Variants in CPT1C observed in about 807,000 individuals in gnomAD.
CPT1C encodes the protein carnitine palmitoyltransferase 1C, also known as palmitoyl thioesterase CPT1C.
In CPT1C, 61 loss-of-function variants were observed where a neutral mutation model predicts 97.3. That is an observed-to-expected ratio of 0.63 (90% confidence interval 0.51 to 0.78). CPT1C has a LOEUF of 0.78. CPT1C is among the 30% of genes least tolerant of loss of function. The probability of loss-of-function intolerance (pLI) is 0.00; values close to 1 mark genes in which losing one functional copy is unlikely to be tolerated. For synonymous variants in CPT1C, 469 were observed against 447.2 expected, an observed-to-expected ratio of 1.05 and a Z score of -0.61; for missense variants, 975 against 1,065.5, an observed-to-expected ratio of 0.92 and a Z score of 1.18.
Position 49,702,134 on chromosome 19 carries a change from A to G in CPT1C, c.693+500A>G, listed in dbSNP as rs1189037891. Among the ~76,000 whole-genome samples the G allele has an allele frequency of 1.1e-4, 6 of 53,722 alleles. 3 individuals carry two copies. The highest frequency in any genetic ancestry group is 3.2e-4 in the African/African-American group (6 of 18,720). 35.2% of individuals were successfully genotyped at this position (53,722 alleles called of 152,430 possible). ...TATATTTATTTATTTATAAATTATA[A>G]ATAAATATATATTTATTTATAAATT... is the stretch of plus-strand genomic sequence containing the variant. On this transcript the variant is annotated intron_variant, in intron 7 of 19. Transcript: ENST00000598293.
At chr19:49,708,020 A>G (rs1388333800) in intron 13 of CPT1C, among the ~76,000 whole-genome samples, 3 of 149,234 alleles carry the variant, frequency 2.0e-5, no homozygotes, top group South Asian at 2.1e-4. Flanking sequence ...AAAAAAAAAA[A>G]AAAAAAAGAA....
intron 4 of CPT1C, 42 bp from the exon 5 acceptor site, chr19:49,700,642 G>A: frequency 6.3e-7 from 1 of 1,594,236 alleles, no homozygotes; most frequent in Non-Finnish European, 8.5e-7. Context: ...GAGGTTCTGA[G>A]GCCAGGAGAC....
At chr19:49,710,572 G>T in intron 15 of CPT1C, 88 bp downstream of exon 15, 1 of 1,575,138 alleles carries the variant, frequency 6.3e-7, no homozygotes, top group Non-Finnish European at 8.7e-7. Flanking sequence ...CCTTGTGGTC[G>T]CTGCCATTGT....
chr19:49,709,740 G>T (rs1179866363), intron 14 of CPT1C, among the ~76,000 whole-genome samples: 1 of 151,978 alleles, frequency 6.6e-6, no homozygotes, highest in African/African-American at 2.4e-5. Flanking sequence ...ATTTTTAATA[G>T]AGATGAGGTT....
At chr19:49,690,806 T>G (rs2082318694), upstream of CPT1C, 1 of 289,962 alleles carries the variant, frequency 3.4e-6, no homozygotes, top group African/African-American at 2.2e-5. This position sits in a 1 kb window ranked among gnomAD's most constrained non-coding sequence, Gnocchi z 4.4. Context: ...GTGAAAGGGC[T>G]GAGATTTGCT....
At chr19:49,695,859 G>A (rs2082642131) in intron 3 of CPT1C, among the ~76,000 whole-genome samples, 3 of 151,188 alleles carry the variant, frequency 2.0e-5, no homozygotes, top group Admixed American at 6.6e-5. Flanking sequence ...GGGATTACAC[G>A]CATAAGCCAT....
chr19:49,705,555 T>TC (rs1257778733), intron 10 of CPT1C, among the ~76,000 whole-genome samples: 1 of 152,044 alleles, frequency 6.6e-6, no homozygotes, highest in Non-Finnish European at 1.5e-5. Flanking sequence ...GGCCAGGAGT[T>TC]CGAGACCAGC....
At chr19:49,709,001 C>G in intron 14 of CPT1C, among the ~76,000 whole-genome samples, 162 bp downstream of exon 14, 1 of 151,178 alleles carries the variant, frequency 6.6e-6, no homozygotes, top group African/African-American at 2.4e-5. Context: ...TATGCATCCA[C>G]AACCTCAAAC....
At position 49,706,313 on chromosome 19, in the gene CPT1C, G is replaced by C. The variant is rs1328532741; in HGVS notation, c.1243G>C (p.Val415Leu). The stretch of plus-strand genomic sequence containing the variant: ...GGCGGTGGAAGGGGCCGCTTTCTTT[G>C]TGTCACTGGATGCTGAGCCCGCGGG... ...LEAVEGAAFF[V>L]SLDAEPAGLT... The change falls in exon 12 of 20, where the codon GTG becomes CTG. Residue 415 changes from valine to leucine, a missense_variant. Coordinates refer to ENST00000598293, the MANE Select transcript of CPT1C (RefSeq NM_001199753.2). This position sits in a 1 kb window ranked among gnomAD's most constrained non-coding sequence, Gnocchi z 4.8. The C allele has an allele frequency of 6.5e-7, 1 of 1,527,728 alleles. No homozygotes were observed. The highest frequency in any genetic ancestry group is 2.4e-5 in the Admixed American group (1 of 42,126). The allele number at this position is 1,527,728 out of a possible 1,614,324, so 94.6% of individuals were successfully genotyped here. A position where few individuals can be genotyped will look rare whatever the true frequency, so the allele number is the denominator to read the frequency against.
chr19:49,707,666 A>G, intron 13 of CPT1C, 43 bp downstream of exon 13: 1 of 1,347,026 alleles, frequency 7.4e-7, no homozygotes. Context: ...CCCCTGCCCC[A>G]TCTCCAAAGA....
chr19:49,713,078 G>A lies in CPT1C; in HGVS notation c.2226+14G>A, dbSNP rs764197805. ...AGCACAAAAACGGTGAGACAAACGT[G>A]TATACCCACCAACTCCCTCTTTCCT... On this transcript the variant is annotated intron_variant, in intron 19 of 19. Transcript: ENST00000598293. The A allele has an allele frequency of 1.1e-5, 18 of 1,601,530 alleles. No individual in the cohort carries two copies. Among genetic ancestry groups the A allele is most frequent in the Non-Finnish European group, 1.5e-5 (17 of 1,168,724 alleles).
Position 49,706,251 on chromosome 19 carries a change from G to T in CPT1C, c.1181G>T (p.Arg394Leu). Reference protein sequence around the residue: ...AAPRGTWAQVRTSLKTQAAEA... With the variant: ...AAPRGTWAQVLTSLKTQAAEA... ...TCCAGGGGCACGTGGGCCCAGGTGC[G>T]GACATCCCTGAAGACCCAGGCAGCG... Residue 394 changes from arginine (R) to leucine (L), a missense_variant, in exon 12 of 20, where the codon CGG (arginine) becomes CTG (leucine). Around this residue, in one of 3 missense-constraint regions of CPT1C, gnomAD observed 596 missense variants for 603.1 expected, o/e 0.99. Transcript: ENST00000598293. This position sits in a 1 kb window ranked among gnomAD's most constrained non-coding sequence, Gnocchi z 4.8. 1 of 1,540,472 alleles carries T rather than the reference G, an allele frequency of 6.5e-7. No individual in the cohort carries two copies. The highest frequency in any genetic ancestry group is 8.7e-7 in the Non-Finnish European group (1 of 1,146,300).
chr19:49,691,588 C>A (rs892149), intron 1 of CPT1C: 27,046 of 152,084 alleles, frequency 0.18, 4,246 homozygotes, highest in African/African-American at 0.42. Context: ...TGAAAAGCGG[C>A]AATGGGGTGG....
chr19:49,713,071 C>A lies in CPT1C; in HGVS notation c.2226+7C>A. On this transcript the variant is annotated splice_region_variant and intron_variant, in intron 19 of 19. Transcript: ENST00000598293. ...AAAATCAAGCACAAAAACGGTGAGA[C>A]AAACGTGTATACCCACCAACTCCCT... The A allele has an allele frequency of 6.2e-7, 1 of 1,609,350 alleles. No homozygotes were observed. Among genetic ancestry groups the A allele is most frequent in the Non-Finnish European group, 8.5e-7 (1 of 1,175,706 alleles).
intron 3 of CPT1C, chr19:49,696,499 T>C (rs1405902633): frequency 6.6e-6 from 1 of 150,812 alleles, no homozygotes; most frequent in African/African-American, 2.5e-5. Flanking sequence ...CTTACTTTGT[T>C]ACCCAGGCTG....
chr19:49,712,735 G>C lies in CPT1C; in HGVS notation c.2020-1G>C. 1 of 1,611,624 alleles carries C rather than the reference G, an allele frequency of 6.2e-7. No individual in the cohort carries two copies. Among genetic ancestry groups the C allele is most frequent in the Non-Finnish European group, 8.5e-7 (1 of 1,177,770 alleles). On this transcript the variant is annotated splice_acceptor_variant, in intron 17 of 19. Coordinates refer to ENST00000598293, the MANE Select transcript of CPT1C (RefSeq NM_001199753.2). LOFTEE classifies it high-confidence loss of function. ...CACATGTGATGGGCTCCTGTCCTCA[G>C]GTCCATTCGGAGCAGTGGCAGCTGT...
In CPT1C at chr19:49,704,663, C is replaced by T. The variant is rs1353302720; in HGVS notation, c.694-47C>T. On this transcript the variant is annotated intron_variant, in intron 7 of 19. Coordinates refer to ENST00000598293, the MANE Select transcript of CPT1C (RefSeq NM_001199753.2). Reference sequence around the variant, plus strand: ...CTTCCCTGTCCTACTGTCCCTCCCCCAACAGGCCCCAGCCCCTCACTGTGT... The same window carrying T: ...CTTCCCTGTCCTACTGTCCCTCCCCTAACAGGCCCCAGCCCCTCACTGTGT... 6.8e-6 allele frequency: 10 copies of T among 1,480,040 alleles called. No individual in the cohort carries two copies. In the South Asian group the frequency reaches 6.9e-5, roughly 10 times the overall value. The allele number at this position is 1,480,040 out of a possible 1,614,324, so 91.7% of individuals were successfully genotyped here.
chr19:49,694,907 G>A (rs2082574416), intron 3 of CPT1C, among the ~76,000 whole-genome samples: 1 of 152,042 alleles, frequency 6.6e-6, no homozygotes, highest in Admixed American at 6.6e-5. Flanking sequence ...TTGGGAGGCC[G>A]AGGCGGGCAG....
chr19:49,701,426 T>C lies in CPT1C; in HGVS notation c.555+8T>C. On this transcript the variant is annotated splice_region_variant and intron_variant, in intron 6 of 19. Transcript: ENST00000598293. The stretch of plus-strand genomic sequence containing the variant: ...CAGGACACCGTGCGCAAGGTGGGCC[T>C]GGGAGCGCGCAGACGGGCTGGGGCG... The C allele has an allele frequency of 1.2e-6, 2 of 1,601,248 alleles. No individual in the cohort carries two copies. Among genetic ancestry groups the C allele is most frequent in the Non-Finnish European group, 8.5e-7 (1 of 1,172,162 alleles).
Sources: gnomAD v4.1 joint callset for allele counts (sites outside exome capture counted in the v4.1 genomes callset) on GRCh38, gnomAD v4.1.1 for gene constraint, gnomAD v4.1.1 regional missense constraint, Gnocchi (gnomAD v3.1) non-coding constraint, MANE v1.5 for transcripts, NCBI Gene and HGNC (gene_info 2026-07-23, HGNC 2026-07-21) for gene names.